PCDHGA2: variants seen among roughly 807,000 people sequenced by gnomAD.
PCDHGA2 encodes the protein protocadherin gamma subfamily A, 2.
In PCDHGA2, 40 loss-of-function variants were observed where a neutral mutation model predicts 59.2. The ratio of observed to expected loss-of-function variants is 0.68; its 90% CI spans 0.52 to 0.88. PCDHGA2 has a LOEUF of 0.88. PCDHGA2 is among the 40% of genes least tolerant of loss of function. PCDHGA2 has a pLI of 0.00. For synonymous variants in PCDHGA2, 560 were observed against 526.0 expected, an observed-to-expected ratio of 1.06 and a Z score of -0.89; for missense variants, 1,226 against 1,204.0, an observed-to-expected ratio of 1.02 and a Z score of -0.27.
intron 1 of PCDHGA2, chr5:141,365,799 C>A: frequency 1.2e-6 from 2 of 1,613,942 alleles, no homozygotes; most frequent in South Asian, 1.1e-5. Context: ...GTCACCTACT[C>A]CCTGGCTGAA....
chr5:141,359,965 C>T, intron 1 of PCDHGA2: 1 of 621,570 alleles, frequency 1.6e-6, no homozygotes, highest in South Asian at 5.1e-5. Flanking sequence ...CGAAGAGAAG[C>T]GTTTGGGAGC....
chr5:141,445,786 C>A (rs1189294394), intron 1 of PCDHGA2, among the ~76,000 whole-genome samples: 2 of 152,018 alleles, frequency 1.3e-5, no homozygotes, highest in Non-Finnish European at 2.9e-5. Flanking sequence ...GCTAGGGAGG[C>A]TAGAAACAGA....
Position 141,344,466 on chromosome 5 carries a change from C to A in PCDHGA2, c.2424+3071C>A, listed in dbSNP as rs1323517973. 3 of 1,613,792 alleles carry A rather than the reference C, an allele frequency of 1.9e-6. No homozygotes were observed. Among genetic ancestry groups the A allele is most frequent in the Non-Finnish European group, 2.5e-6 (3 of 1,179,850 alleles). ...GGAATTGGAAATAAAAATTGGTGAACTAACGGTTCCTGGAACCCGATTTCC... is the reference window on the plus strand; with the variant it reads ...GGAATTGGAAATAAAAATTGGTGAAATAACGGTTCCTGGAACCCGATTTCC... On this transcript the variant is annotated intron_variant, in intron 1 of 3. Transcript: ENST00000394576.
intron 1 of PCDHGA2, chr5:141,442,449 T>TA (rs1488731055): frequency 6.6e-6 from 1 of 152,210 alleles, no homozygotes; most frequent in African/African-American, 2.4e-5. Context: ...CAGGACTCAA[T>TA]AGCAGTTTCA....
intron 1 of PCDHGA2, chr5:141,417,924 T>C (rs1197566429): frequency 1.9e-6 from 3 of 1,609,340 alleles, no homozygotes; most frequent in Admixed American, 1.7e-5. Flanking sequence ...CCTTTGCTGC[T>C]GCCTTTGTTC....
intron 1 of PCDHGA2, among the ~76,000 whole-genome samples, chr5:141,349,666 A>G (rs531507820): frequency 6.6e-6 from 1 of 152,308 alleles, no homozygotes; most frequent in African/African-American, 2.4e-5. Context: ...AAGGGAGCTT[A>G]TTCCAATGAA....
intron 1 of PCDHGA2, chr5:141,375,763 C>G: frequency 6.2e-7 from 1 of 1,614,242 alleles, no homozygotes; most frequent in South Asian, 1.1e-5. Context: ...ACAATGCGCC[C>G]GAGATCCTGT....
chr5:141,410,661 A>G, intron 1 of PCDHGA2: 1 of 1,572,394 alleles, frequency 6.4e-7, no homozygotes, highest in Non-Finnish European at 8.6e-7. Context: ...CTAATAGTCT[A>G]CTAGTTTCTC....
At chr5:141,448,602 A>G (rs1350132402) in intron 1 of PCDHGA2, among the ~76,000 whole-genome samples, 1 of 152,154 alleles carries the variant, frequency 6.6e-6, no homozygotes, top group Non-Finnish European at 1.5e-5. Flanking sequence ...AAAATACTAT[A>G]CACCACTTTA....
intron 1 of PCDHGA2, chr5:141,366,784 A>C (rs749444374): frequency 6.3e-7 from 1 of 1,579,152 alleles, no homozygotes; most frequent in Non-Finnish European, 8.6e-7. Context: ...GATGACCAGA[A>C]CATTTTCATT....
chr5:141,447,427 C>T (rs752438597), intron 1 of PCDHGA2, among the ~76,000 whole-genome samples: 2 of 152,174 alleles, frequency 1.3e-5, no homozygotes, highest in Non-Finnish European at 2.9e-5. Context: ...CGTGAGCCAC[C>T]GCACCCGGAG....
Position 141,485,549 on chromosome 5 carries a change from G to A in PCDHGA2, c.2425-9258G>A. 6.2e-7 allele frequency: 1 copy of A among 1,614,030 alleles called. No homozygotes were observed. The highest frequency in any genetic ancestry group is 1.1e-5 in the South Asian group (1 of 91,068). On this transcript the variant is annotated intron_variant, in intron 1 of 3. Transcript: ENST00000394576. The surrounding 1 kb of genome is among the most constrained non-coding windows in gnomAD (Gnocchi z 5.7). ...CCGAGCAGAGGTAGAGATCGTAGATGTGAATGATCACGCCCCCCGTTTTCC... is the reference window on the plus strand; with the variant it reads ...CCGAGCAGAGGTAGAGATCGTAGATATGAATGATCACGCCCCCCGTTTTCC...
intron 1 of PCDHGA2, among the ~76,000 whole-genome samples, chr5:141,460,577 TGTG>T (rs2098992364): frequency 6.6e-6 from 1 of 152,094 alleles, no homozygotes; most frequent in African/African-American, 2.4e-5. Context: ...CATATGTAGG[TGTG>T]GGTTTTTTCT....
intron 1 of PCDHGA2, chr5:141,395,210 A>G (rs200048432): frequency 1.2e-6 from 2 of 1,613,418 alleles, no homozygotes; most frequent in East Asian, 2.2e-5. Context: ...ATTTTCATGA[A>G]TATAAGAATG....
At chr5:141,417,993 C>T (rs753867006) in intron 1 of PCDHGA2, 11 of 1,613,830 alleles carry the variant, frequency 6.8e-6, no homozygotes, top group Non-Finnish European at 7.6e-6. Flanking sequence ...GCCAAGGGCT[C>T]GGTGGTGGGG....
At chr5:141,384,798 G>A in intron 1 of PCDHGA2, 3 of 1,613,448 alleles carry the variant, frequency 1.9e-6, no homozygotes, top group Non-Finnish European at 2.5e-6. Flanking sequence ...GGGCCCTGCT[G>A]GACAGAGATG....
intron 1 of PCDHGA2, chr5:141,364,981 C>A (rs756594174): frequency 7.2e-5 from 116 of 1,613,766 alleles, no homozygotes; most frequent in Non-Finnish European, 8.6e-5. Context: ...CTTTAGATGG[C>A]GGAGACCCGG....
chr5:141,471,080 C>T (rs2099249652), intron 1 of PCDHGA2, among the ~76,000 whole-genome samples: 1 of 147,610 alleles, frequency 6.8e-6, no homozygotes, highest in African/African-American at 2.5e-5. Context: ...ACAGGGTCTC[C>T]CTCTGTTGTC....
rs765376157 is a variant in PCDHGA2 at position 141,486,033 on chromosome 5, A to G, written c.2425-8774A>G. 4.3e-6 allele frequency: 7 copies of G among 1,614,148 alleles called. No individual in the cohort carries two copies. The highest frequency in any genetic ancestry group is 5.9e-6 in the Non-Finnish European group (7 of 1,180,014). ...TTTTATTTCAGTGGTCATACCCCTG[A>G]TCGTGTAAGAAACCTCTTTAGCCTG... On this transcript the variant is annotated intron_variant, in intron 1 of 3. Transcript: ENST00000394576. This position sits in a 1 kb window ranked among gnomAD's most constrained non-coding sequence, Gnocchi z 5.0.
Sources: allele counts gnomAD v4.1 joint callset (sites outside exome capture counted in the v4.1 genomes callset), GRCh38; gene constraint gnomAD v4.1.1; non-coding constraint Gnocchi (gnomAD v3.1); transcripts MANE v1.5; gene names NCBI Gene and HGNC (gene_info 2026-07-23, HGNC 2026-07-21).